The following FBXL20 variants were observed in gnomAD, a reference collection of about 807,000 sequenced individuals.
FBXL20 encodes the protein F-box and leucine rich repeat protein 20.
A neutral mutation model predicts 64.0 loss-of-function variants in FBXL20; 11 were observed. That is an observed-to-expected ratio of 0.17 (90% confidence interval 0.11 to 0.28). FBXL20 has a LOEUF of 0.28. Ranked by LOEUF, FBXL20 falls within the 10% of genes least tolerant of loss-of-function variation. The pLI is 1.00. For synonymous variants in FBXL20, 184 were observed against 189.0 expected (o/e 0.97, Z 0.22); for missense variants, 303 against 526.2 (o/e 0.58, Z 4.15).
chr17:39,330,408 A>G (rs969914727), intron 2 of FBXL20, among the ~76,000 whole-genome samples: 2 of 150,892 alleles, frequency 1.3e-5, no homozygotes, highest in African/African-American at 2.4e-5. Context: ...GAGGTCAGGA[A>G]TTCAAGACCA....
chr17:39,276,239 A>T (rs1013469810), intron 9 of FBXL20, among the ~76,000 whole-genome samples: 1 of 150,272 alleles, frequency 6.7e-6, no homozygotes, highest in African/African-American at 2.4e-5. Flanking sequence ...AAAAAAAAAA[A>T]AAAAGGGACG....
At chr17:39,336,955 T>TCCCTCCTCTCCCTCC (rs1240180967) in intron 2 of FBXL20, among the ~76,000 whole-genome samples, 2 of 149,830 alleles carry the variant, frequency 1.3e-5, no homozygotes, top group African/African-American at 5.0e-5. Context: ...CCTCTCCCTC[T>TCCCTCCTCTCCCTCC]CCCTCCTCTC....
chr17:39,309,382 A>T (rs574120032), intron 2 of FBXL20, among the ~76,000 whole-genome samples: 24 of 152,278 alleles, frequency 1.6e-4, no homozygotes, highest in Admixed American at 9.2e-4. Flanking sequence ...GTTTTCATGG[A>T]TCCCATCAGG....
chr17:39,256,792 T>C lies in FBXL20; in HGVS notation c.*4668A>G, dbSNP rs2046699742. On this transcript the variant is annotated 3_prime_UTR_variant, in exon 15 of 15. Transcript: ENST00000264658. ...CCAAGGGTCACCCATGACCCATGAG[T>C]GCTCTTCTCCCAACAACACAGTCAC... 1 of 151,942 alleles carries C rather than the reference T, an allele frequency of 6.6e-6. No individual in the cohort carries two copies. 9.4% of individuals were successfully genotyped at this position (151,942 alleles called of 1,614,324 possible).
At chr17:39,358,897 G>C (rs981057500) in intron 1 of FBXL20, among the ~76,000 whole-genome samples, 9 of 152,108 alleles carry the variant, frequency 5.9e-5, no homozygotes, top group African/African-American at 1.4e-4. Flanking sequence ...CAAAAGGCTT[G>C]AATATTCAGA....
At chr17:39,350,518 C>CAAAAAAAAAAAAAAAAAAAAAAAAGAAAA (rs5820287) in intron 1 of FBXL20, among the ~76,000 whole-genome samples, 1 of 101,774 alleles carries the variant, frequency 9.8e-6, no homozygotes. Context: ...AAAAAAGAAG[C>CAAAAAAAAAAAAAAAAAAAAAAAAGAAAA]AAAAAAAAAA....
At chr17:39,299,190 T>C (rs2047112614) in intron 4 of FBXL20, 106 bp from the exon 5 acceptor site, 3 of 777,128 alleles carry the variant, frequency 3.9e-6, no homozygotes, top group Non-Finnish European at 6.2e-6. Flanking sequence ...ATGCTTCTAT[T>C]ATGACCTAAT....
intron 2 of FBXL20, among the ~76,000 whole-genome samples, chr17:39,316,716 T>C (rs2144500584): frequency 6.6e-6 from 1 of 152,374 alleles, no homozygotes; most frequent in South Asian, 2.1e-4. Context: ...CTGGGCACGG[T>C]GGCTCACGCC....
At chr17:39,323,778 CTTT>C (rs375479842) in intron 2 of FBXL20, among the ~76,000 whole-genome samples, 1 of 144,538 alleles carries the variant, frequency 6.9e-6, no homozygotes. Flanking sequence ...CTTCTGTTTT[CTTT>C]TTTTTTTTTT....
intron 6 of FBXL20, among the ~76,000 whole-genome samples, chr17:39,293,207 TAA>T (rs2047056216): frequency 6.6e-6 from 1 of 151,728 alleles, no homozygotes; most frequent in African/African-American, 2.4e-5. Context: ...GGCAGGCAGT[TAA>T]GTTTGTTTTG....
chr17:39,341,197 G>A (rs1316113108), intron 2 of FBXL20, among the ~76,000 whole-genome samples: 1 of 151,914 alleles, frequency 6.6e-6, no homozygotes, highest in Non-Finnish European at 1.5e-5. Flanking sequence ...AATTTAGGAA[G>A]GACTTGTTTC....
chr17:39,280,401 C>CA lies in FBXL20; in HGVS notation c.696+987dup, dbSNP rs369912448. ...TGGGCGACACAGTGAGACTCTGTCT[C>CA]AAAAAAAAAAAAAAAAAAAAAGTAG... is the stretch of plus-strand genomic sequence containing the variant. On this transcript the variant is annotated intron_variant, in intron 9 of 14. Coordinates refer to ENST00000264658, the MANE Select transcript of FBXL20 (RefSeq NM_032875.3). Among the ~76,000 whole-genome samples the CA allele has an allele frequency of 1.1e-3, 114 of 100,312 alleles. 1 individual carries two copies. The highest frequency in any genetic ancestry group is 0.01 in the East Asian group (36 of 3,536). 65.8% of individuals were successfully genotyped at this position (100,312 alleles called of 152,430 possible). A position where few individuals can be genotyped will look rare whatever the true frequency, so the allele number is the denominator to read the frequency against.
chr17:39,402,184 A>ACCCAAAGTGCAGCAGGCGGT, upstream of FBXL20: 1 of 1,232,042 alleles, frequency 8.1e-7, no homozygotes, highest in Non-Finnish European at 1.0e-6. Context: ...GTCGCCTTGA[A>ACCCAAAGTGCAGCAGGCGGT]CCCAAAGTGC....
intron 10 of FBXL20, among the ~76,000 whole-genome samples, chr17:39,271,594 ACT>A (rs1255992526): frequency 1.2e-4 from 10 of 84,766 alleles, no homozygotes; most frequent in African/African-American, 4.7e-4. Flanking sequence ...CAAGGCTCCG[ACT>A]CAAAAAAAAA....
chr17:39,257,799 C>T lies in FBXL20; in HGVS notation c.*3661G>A, dbSNP rs2046708504. 6.6e-6 allele frequency: 1 copy of T among 152,460 alleles called. No individual in the cohort carries two copies. 9.4% of individuals were successfully genotyped at this position (152,460 alleles called of 1,614,324 possible). On this transcript the variant is annotated 3_prime_UTR_variant, in exon 15 of 15. Transcript: ENST00000264658. ...ATCTGAGAGTAAATCAGCAGCATTACTGAGGGTGAGATGGAGGCTTTAAAT... is the reference window on the plus strand; with the variant it reads ...ATCTGAGAGTAAATCAGCAGCATTATTGAGGGTGAGATGGAGGCTTTAAAT...
chr17:39,342,268 C>G (rs1053254737), intron 2 of FBXL20, among the ~76,000 whole-genome samples: 3 of 152,020 alleles, frequency 2.0e-5, no homozygotes, highest in African/African-American at 4.8e-5. Flanking sequence ...TAGTAAACCT[C>G]AAGTGAGCTA....
intron 13 of FBXL20, among the ~76,000 whole-genome samples, chr17:39,265,189 G>A (rs1255393526): frequency 1.3e-5 from 2 of 152,138 alleles, no homozygotes; most frequent in Non-Finnish European, 2.9e-5. Context: ...CAGTCTTCAA[G>A]CATTGATATA....
chr17:39,343,153 A>C (rs1392768526), intron 2 of FBXL20, 27 bp downstream of exon 2: 14 of 1,552,586 alleles, frequency 9.0e-6, no homozygotes, highest in Middle Eastern at 1.7e-4. Flanking sequence ...ACATAAAAAA[A>C]CCCATAAAAT....
chr17:39,345,937 T>G (rs1473462611), intron 1 of FBXL20, among the ~76,000 whole-genome samples: 1 of 152,114 alleles, frequency 6.6e-6, no homozygotes, highest in East Asian at 1.9e-4. Flanking sequence ...AATTTTAGGG[T>G]TGTGCACAGA....
Sources: allele counts gnomAD v4.1 joint callset (sites outside exome capture counted in the v4.1 genomes callset), GRCh38; gene constraint gnomAD v4.1.1; transcripts MANE v1.5; gene names NCBI Gene and HGNC (gene_info 2026-07-23, HGNC 2026-07-21).